ZNF385D: variants seen among roughly 807,000 people sequenced by gnomAD.
ZNF385D encodes zinc finger protein 385D.
ZNF385D carries 15 observed loss-of-function variants against 35.8 expected under a neutral mutation model. The ratio of observed to expected loss-of-function variants is 0.42; its 90% confidence interval spans 0.28 to 0.64. ZNF385D has a LOEUF of 0.64. ZNF385D is among the 30% of genes least tolerant of loss of function. The probability of loss-of-function intolerance (pLI) is 0.23; values close to 1 mark genes in which losing one functional copy is unlikely to be tolerated. For missense variants in ZNF385D, 474 were observed against 494.6 expected (o/e 0.96, Z 0.39); for synonymous variants, 212 against 186.8 (o/e 1.13, Z -1.10).
chr3:21,964,488 T>C (rs1702787082), intron 3 of ZNF385D, among the ~76,000 whole-genome samples: 1 of 122,378 alleles, frequency 8.2e-6, no homozygotes, highest in Non-Finnish European at 1.7e-5. Flanking sequence ...TTTTTTTTTT[T>C]TTTTTTTTTT....
chr3:21,574,040 A>G (rs150240206), intron 2 of ZNF385D, among the ~76,000 whole-genome samples: 2 of 142,904 alleles, frequency 1.4e-5, no homozygotes, highest in Non-Finnish European at 3.0e-5. Context: ...AGCCTGCACA[A>G]CAAGAGTGAA....
chr3:21,724,077 A>G (rs939672767), intron 1 of ZNF385D, among the ~76,000 whole-genome samples: 3 of 152,156 alleles, frequency 2.0e-5, no homozygotes, highest in African/African-American at 7.2e-5. Context: ...GAGAAATAAA[A>G]TCCTTTACAG....
At chr3:21,445,894 T>A (rs1021779901) in intron 4 of ZNF385D, among the ~76,000 whole-genome samples, 2 of 152,208 alleles carry the variant, frequency 1.3e-5, no homozygotes, top group African/African-American at 4.8e-5. Context: ...ATTTTTCAAA[T>A]AATATTTATT....
chr3:22,342,145 C>T (rs1302747094), intron 2 of ZNF385D, among the ~76,000 whole-genome samples: 1 of 151,496 alleles, frequency 6.6e-6, no homozygotes, highest in African/African-American at 2.4e-5. Flanking sequence ...GGCATGGTGG[C>T]GGGAGCCTGT....
At chr3:22,095,349 A>G (rs562689229) in intron 3 of ZNF385D, among the ~76,000 whole-genome samples, 32 of 151,840 alleles carry the variant, frequency 2.1e-4, no homozygotes, top group Non-Finnish European at 4.0e-4. Flanking sequence ...TTATCACAGG[A>G]TATCTTTTTG....
intron 3 of ZNF385D, among the ~76,000 whole-genome samples, chr3:21,529,210 G>A (rs1171975054): frequency 2.0e-5 from 3 of 152,066 alleles, no homozygotes; most frequent in East Asian, 1.9e-4. Context: ...ATGACTGTGG[G>A]GTTTTCTTAC....
chr3:21,794,691 T>A (rs545476321), intron 3 of ZNF385D, among the ~76,000 whole-genome samples: 2 of 151,822 alleles, frequency 1.3e-5, no homozygotes, highest in Non-Finnish European at 2.9e-5. Context: ...GGAGGAAGAG[T>A]CATCCAGGAG....
intron 2 of ZNF385D, among the ~76,000 whole-genome samples, chr3:22,233,411 G>C (rs1699006509): frequency 2.0e-5 from 3 of 152,260 alleles, no homozygotes; most frequent in African/African-American, 7.2e-5. Context: ...GTGGTTGCCT[G>C]GGGCAACAAG....
At chr3:21,872,611 C>A (rs937716227) in intron 3 of ZNF385D, among the ~76,000 whole-genome samples, 4 of 152,014 alleles carry the variant, frequency 2.6e-5, no homozygotes, top group African/African-American at 9.7e-5. Flanking sequence ...ACCATTAGGT[C>A]AGTGAAGTCT....
intron 2 of ZNF385D, among the ~76,000 whole-genome samples, chr3:22,240,087 G>A (rs1371933548): frequency 1.3e-5 from 2 of 148,518 alleles, no homozygotes; most frequent in Non-Finnish European, 3.0e-5. Context: ...GGAGGCTGAC[G>A]TGGGAGGATC....
intron 3 of ZNF385D, among the ~76,000 whole-genome samples, chr3:22,126,717 T>C (rs1703452722): frequency 6.6e-6 from 1 of 152,138 alleles, no homozygotes; most frequent in Admixed American, 6.6e-5. Context: ...TGGAGCAGAT[T>C]AGTTATAATA....
intron 3 of ZNF385D, among the ~76,000 whole-genome samples, chr3:22,089,085 C>T (rs200597525): frequency 1.3e-5 from 2 of 152,182 alleles, no homozygotes; most frequent in East Asian, 3.9e-4. Flanking sequence ...GAAAAAGATA[C>T]ATTTTCTTCA....
intron 3 of ZNF385D, among the ~76,000 whole-genome samples, chr3:21,832,163 T>A (rs1426416388): frequency 6.6e-6 from 1 of 152,110 alleles, no homozygotes; most frequent in African/African-American, 2.4e-5. Flanking sequence ...TTTACAATAC[T>A]CACTATGTTA....
intron 4 of ZNF385D, among the ~76,000 whole-genome samples, chr3:21,452,892 A>G (rs563568668): frequency 1.5e-4 from 23 of 152,154 alleles, no homozygotes; most frequent in African/African-American, 4.6e-4. Flanking sequence ...GGTACTAAAT[A>G]GCCAAAATGA....
chr3:21,641,589 A>G (rs928303125), intron 2 of ZNF385D, among the ~76,000 whole-genome samples: 11 of 150,168 alleles, frequency 7.3e-5, no homozygotes, highest in African/African-American at 1.2e-4. Context: ...CTATGACTGG[A>G]CAATGTAAAA....
chr3:22,232,101 T>C (rs1260887165), intron 2 of ZNF385D, among the ~76,000 whole-genome samples: 1 of 152,142 alleles, frequency 6.6e-6, no homozygotes, highest in Admixed American at 6.6e-5. Flanking sequence ...TCTTAGGTAT[T>C]TCTTTATAGC....
chr3:21,809,909 G>GAAAACAA (rs1307041367), intron 3 of ZNF385D, among the ~76,000 whole-genome samples: 4 of 151,964 alleles, frequency 2.6e-5, no homozygotes, highest in Non-Finnish European at 5.9e-5. Flanking sequence ...AAAATAACCT[G>GAAAACAA]AAAACAAAAT....
At chr3:21,708,088 T>G (rs959882031) in intron 1 of ZNF385D, among the ~76,000 whole-genome samples, 2 of 152,176 alleles carry the variant, frequency 1.3e-5, no homozygotes, top group African/African-American at 4.8e-5. Flanking sequence ...TCATTTCCTT[T>G]TTGCTCCAAA....
intron 1 of ZNF385D, among the ~76,000 whole-genome samples, chr3:21,681,623 T>C (rs1054018451): frequency 2.7e-5 from 4 of 149,026 alleles, no homozygotes; most frequent in Non-Finnish European, 5.9e-5. Flanking sequence ...ACAATAGAGC[T>C]GCATATATTT....
Sources: allele counts gnomAD v4.1 joint callset (sites outside exome capture counted in the v4.1 genomes callset), GRCh38; gene constraint gnomAD v4.1.1; transcripts MANE v1.5; gene names NCBI Gene and HGNC (gene_info 2026-07-23, HGNC 2026-07-21).